The following LTBP1 variants were observed in gnomAD, a reference collection of about 807,000 sequenced individuals.
The protein encoded by LTBP1 is latent transforming growth factor beta binding protein 1, also known as latent-transforming growth factor beta-binding protein 1.
Under a neutral mutation model 207.6 loss-of-function variants are expected in LTBP1, and 129 were observed. That is an observed-to-expected ratio of 0.62 (90% CI 0.54 to 0.72). The LOEUF (loss-of-function observed/expected upper bound fraction) is 0.72. Ranked by LOEUF, LTBP1 falls within the 30% of genes least tolerant of loss-of-function variation. The pLI is 0.00. For missense variants in LTBP1, 2,281 were observed against 2,217.2 expected (o/e 1.03, Z -0.58); for synonymous variants, 963 against 833.7 (o/e 1.16, Z -2.67).
At chr2:33,390,711 C>G (rs552598980) in intron 32 of LTBP1, among the ~76,000 whole-genome samples, 10 of 152,152 alleles carry the variant, frequency 6.6e-5, no homozygotes, top group African/African-American at 1.9e-4. Flanking sequence ...AGGCTGGTCT[C>G]GAACTCCTGG....
intron 31 of LTBP1, among the ~76,000 whole-genome samples, chr2:33,377,112 A>T (rs1484631834): frequency 6.6e-6 from 1 of 152,210 alleles, no homozygotes; most frequent in African/African-American, 2.4e-5. Flanking sequence ...TAAAATTTTT[A>T]AAAACCCTGA....
At chr2:33,110,990 G>T (rs377232462) in intron 4 of LTBP1, among the ~76,000 whole-genome samples, 137 of 152,232 alleles carry the variant, frequency 9.0e-4, no homozygotes, top group African/African-American at 3.2e-3. Flanking sequence ...CTGTCATTCT[G>T]TTTCTGCAAT....
intron 24 of LTBP1, among the ~76,000 whole-genome samples, chr2:33,330,430 T>C (rs1039741411): frequency 1.3e-5 from 2 of 151,936 alleles, no homozygotes; most frequent in Non-Finnish European, 2.9e-5. Flanking sequence ...AGCTTGCTTG[T>C]CTCTTTCCTG....
chr2:33,334,783 T>C (rs566927996), intron 24 of LTBP1, among the ~76,000 whole-genome samples: 94 of 151,968 alleles, frequency 6.2e-4, no homozygotes, highest in Non-Finnish European at 1.1e-3. Flanking sequence ...CAGAATAATT[T>C]AAGTAGGCTG....
At position 33,243,785 on chromosome 2, in the gene LTBP1, G is replaced by T. The variant is rs113128613; in HGVS notation, c.1999+1G>T. 1.2e-6 allele frequency: 2 copies of T among 1,613,716 alleles called. No homozygotes were observed. Among genetic ancestry groups the T allele is most frequent in the Non-Finnish European group, 1.7e-6 (2 of 1,179,800 alleles). ...GATCCTACCTTTTCAAGTTGTGTTC[G>T]TAAGTAATAATCACTTTTTATTCCT... On this transcript the variant is annotated splice_donor_variant, in intron 10 of 33. Transcript: ENST00000404816. LOFTEE classifies it high-confidence loss of function.
At chr2:33,200,665 A>T (rs1390910249) in intron 7 of LTBP1, among the ~76,000 whole-genome samples, 1 of 152,206 alleles carries the variant, frequency 6.6e-6, no homozygotes, top group Non-Finnish European at 1.5e-5. Flanking sequence ...ACAGCAAAAG[A>T]AGCTACCATC....
At chr2:33,283,953 C>T (rs2093614667) in intron 19 of LTBP1, among the ~76,000 whole-genome samples, 1 of 152,116 alleles carries the variant, frequency 6.6e-6, no homozygotes, top group Admixed American at 6.5e-5. Flanking sequence ...TCTTAAATTT[C>T]ACATTATGCT....
chr2:33,081,791 C>A (rs2149879485), intron 3 of LTBP1, among the ~76,000 whole-genome samples: 1 of 151,996 alleles, frequency 6.6e-6, no homozygotes, highest in East Asian at 1.9e-4. Flanking sequence ...GGGGCGGTTA[C>A]CCTCATGCTT....
chr2:33,325,016 A>G (rs2094408969), intron 24 of LTBP1, among the ~76,000 whole-genome samples: 1 of 151,604 alleles, frequency 6.6e-6, no homozygotes, highest in Non-Finnish European at 1.5e-5. Flanking sequence ...CTATTTTTAA[A>G]CCCCATATTT....
chr2:33,175,463 C>G (rs1046972693), intron 5 of LTBP1, among the ~76,000 whole-genome samples: 57 of 152,196 alleles, frequency 3.7e-4, no homozygotes, highest in Middle Eastern at 3.4e-3. Flanking sequence ...GATACCATCT[C>G]ACACCAGTTA....
chr2:33,180,841 G>A (rs1023118300), intron 5 of LTBP1, among the ~76,000 whole-genome samples: 5 of 152,116 alleles, frequency 3.3e-5, no homozygotes, highest in Admixed American at 6.5e-5. Context: ...AAAGCAGAAT[G>A]GGGGGAGAAA....
chr2:33,382,341 C>T (rs1184357814), intron 31 of LTBP1, among the ~76,000 whole-genome samples: 7 of 151,954 alleles, frequency 4.6e-5, no homozygotes, highest in Admixed American at 2.6e-4. Context: ...GTGATCCACC[C>T]GCCTCGGGCT....
chr2:33,117,242 C>A (rs218188), intron 4 of LTBP1, among the ~76,000 whole-genome samples: 6,600 of 152,278 alleles, frequency 0.043, 198 homozygotes, highest in Middle Eastern at 0.071. Context: ...GCTTTGGACA[C>A]ACGAGGCCTC....
intron 8 of LTBP1, among the ~76,000 whole-genome samples, chr2:33,221,146 A>G (rs2091074627): frequency 6.6e-6 from 1 of 152,190 alleles, no homozygotes; most frequent in Admixed American, 6.5e-5. Context: ...TCCTTACTGC[A>G]GGACATAGCA....
At chr2:33,010,705 T>C (rs2149093587) in intron 2 of LTBP1, among the ~76,000 whole-genome samples, 1 of 151,994 alleles carries the variant, frequency 6.6e-6, no homozygotes, top group African/African-American at 2.4e-5. Context: ...CTGTATCACA[T>C]TCTAGGATTT....
At position 33,293,267 on chromosome 2, in the gene LTBP1, C is replaced by T. The variant is rs1334302954; in HGVS notation, c.3220C>T (p.His1074Tyr). The change falls in exon 20 of 34, where the codon CAC (histidine) becomes TAC (tyrosine). Residue 1074 changes from histidine to tyrosine, a missense_variant. Coordinates refer to ENST00000404816, the MANE Select transcript of LTBP1 (RefSeq NM_206943.4). ...CAAAGGCTATACCCGGACTCCGGAC[C>T]ACAAGCACTGTAGAGGTAAATACTG... ...CHKGYTRTPDHKHCRDIDECQ... is the reference protein window; with the variant it reads ...CHKGYTRTPDYKHCRDIDECQ... 6.2e-7 allele frequency: 1 copy of T among 1,613,080 alleles called. No homozygotes were observed. Among genetic ancestry groups the T allele is most frequent in the African/African-American group, 1.3e-5 (1 of 74,822 alleles).
intron 26 of LTBP1, among the ~76,000 whole-genome samples, chr2:33,348,387 A>G (rs1559049244): frequency 1.3e-5 from 2 of 152,224 alleles, no homozygotes; most frequent in African/African-American, 2.4e-5. Context: ...GGTGAAGGGT[A>G]TAGAATTAAA....
At chr2:33,197,656 C>T (rs2088712046) in intron 7 of LTBP1, among the ~76,000 whole-genome samples, 1 of 152,162 alleles carries the variant, frequency 6.6e-6, no homozygotes, top group Admixed American at 6.5e-5. Flanking sequence ...TTGATTGTTT[C>T]AAACATGTTT....
chr2:32,998,349 C>T (rs1272765882), intron 2 of LTBP1, among the ~76,000 whole-genome samples: 1 of 151,528 alleles, frequency 6.6e-6, no homozygotes, highest in African/African-American at 2.4e-5. Flanking sequence ...AACCCTGTCT[C>T]TACTAAAAAT....
Sources: gnomAD v4.1 joint callset for allele counts (sites outside exome capture counted in the v4.1 genomes callset) on GRCh38, gnomAD v4.1.1 for gene constraint, MANE v1.5 for transcripts, NCBI Gene and HGNC (gene_info 2026-07-23, HGNC 2026-07-21) for gene names.